Variants in LPAR3 observed in about 807,000 individuals in gnomAD.
The protein encoded by LPAR3 is LPA receptor 3.
Under a neutral mutation model 17.8 loss-of-function variants are expected in LPAR3, and 7 were observed. The ratio of observed to expected loss-of-function variants is 0.39; its 90% CI spans 0.22 to 0.74. LPAR3 has a LOEUF of 0.74. Among genes scored for constraint, LPAR3 ranks in the 30% least tolerant of loss-of-function variants. The pLI, the probability that LPAR3 is intolerant of heterozygous loss-of-function variation, is 0.40. For synonymous variants in LPAR3, 179 were observed against 179.9 expected, an observed-to-expected ratio of 0.99 and a Z score of 0.04; for missense variants, 391 against 453.4, an observed-to-expected ratio of 0.86 and a Z score of 1.25.
intron 2 of LPAR3, among the ~76,000 whole-genome samples, chr1:84,832,640 C>T (rs1659307556): frequency 6.6e-6 from 1 of 152,170 alleles, no homozygotes; most frequent in Non-Finnish European, 1.5e-5. Flanking sequence ...CATATAAATA[C>T]ACCAAACACC....
chr1:84,836,005 C>CTT (rs1324631362), intron 2 of LPAR3, among the ~76,000 whole-genome samples: 1 of 100,128 alleles, frequency 1.0e-5, no homozygotes, highest in Non-Finnish European at 2.0e-5. Flanking sequence ...CCAACCCCGG[C>CTT]CTTTTTTTTT....
intron 1 of LPAR3, among the ~76,000 whole-genome samples, chr1:84,868,266 C>T (rs149009925): frequency 0.013 from 1,937 of 152,204 alleles, 36 homozygotes; most frequent in African/African-American, 0.044. Flanking sequence ...CATGCCAGCA[C>T]GCCCGGCTAA....
intron 2 of LPAR3, among the ~76,000 whole-genome samples, chr1:84,835,831 T>C (rs1659392545): frequency 6.6e-6 from 1 of 152,100 alleles, no homozygotes; most frequent in Admixed American, 6.6e-5. Flanking sequence ...CCCACACTTC[T>C]TGGTCAACAG....
At chr1:84,887,015 C>A (rs1024465567) in intron 1 of LPAR3, among the ~76,000 whole-genome samples, 1 of 152,096 alleles carries the variant, frequency 6.6e-6, no homozygotes, top group Non-Finnish European at 1.5e-5. Context: ...AAATAAAGTT[C>A]TTCCTTATAG....
At chr1:84,851,775 T>G (rs1032711109) in intron 2 of LPAR3, among the ~76,000 whole-genome samples, 3 of 151,656 alleles carry the variant, frequency 2.0e-5, no homozygotes, top group African/African-American at 7.3e-5. Flanking sequence ...GTGAGGGGAG[T>G]GCATAGAAAA....
Position 84,813,904 on chromosome 1 carries a change from C to T in LPAR3, c.1004G>A (p.Ser335Asn). ...STVLSRSDTG[S>N]QYIEDSISQG... ...GCTAATACTATCCTCTATGTACTGG[C>T]TGCCTGTGTCACTCCTGCTGAGGAC... Residue 335 changes from serine (S) to asparagine (N), a missense_variant, in exon 3 of 3, where the codon AGC becomes AAC. Transcript: ENST00000370611. 2 of 1,614,182 alleles carry T rather than the reference C, an allele frequency of 1.2e-6. No homozygotes were observed. The highest frequency in any genetic ancestry group is 1.7e-6 in the Non-Finnish European group (2 of 1,180,022).
chr1:84,868,308 C>T lies in LPAR3; in HGVS notation c.-18-2170G>A, dbSNP rs374749946. Among the ~76,000 whole-genome samples the T allele has an allele frequency of 1.1e-4, 16 of 152,252 alleles. No individual in the cohort carries two copies. The East Asian group carries it at 1.2e-3, about 11-fold the overall frequency. On this transcript the variant is annotated intron_variant, in intron 1 of 2. Transcript: ENST00000370611. The stretch of plus-strand genomic sequence containing the variant: ...TGTTTTTAGTAGAGACGGGGTTTCA[C>T]CATGTTGGCCAGGATGGTCTCGAAC...
chr1:84,812,868 A>G lies in LPAR3; in HGVS notation c.*978T>C, dbSNP rs1658840582. 6.6e-6 allele frequency: 1 copy of G among 151,842 alleles called. No homozygotes were observed. Among genetic ancestry groups the G allele is most frequent in the Non-Finnish European group, 1.5e-5 (1 of 67,998 alleles). The allele number at this position is 151,842 out of a possible 1,614,324, so 9.4% of individuals were successfully genotyped here. A position where few individuals can be genotyped will look rare whatever the true frequency, so the allele number is the denominator to read the frequency against. On this transcript the variant is annotated 3_prime_UTR_variant, in exon 3 of 3. Coordinates refer to ENST00000370611, the MANE Select transcript of LPAR3 (RefSeq NM_012152.3). ...CTTACTAGGCAAGATTATCAGCTGG[A>G]TGTTCCATAGGCACTTCAAACTTCA...
At chr1:84,875,680 T>C (rs1557607615) in intron 1 of LPAR3, among the ~76,000 whole-genome samples, 1 of 152,210 alleles carries the variant, frequency 6.6e-6, no homozygotes, top group Non-Finnish European at 1.5e-5. Context: ...CATCAGAAAA[T>C]GAACTAAGGC....
chr1:84,842,596 T>A (rs1659523709), intron 2 of LPAR3, among the ~76,000 whole-genome samples: 1 of 152,218 alleles, frequency 6.6e-6, no homozygotes, highest in South Asian at 2.1e-4. Context: ...AATTATAAAC[T>A]TCATCAGTCT....
intron 2 of LPAR3, among the ~76,000 whole-genome samples, chr1:84,841,707 C>G (rs1471709747): frequency 1.3e-5 from 2 of 152,196 alleles, no homozygotes; most frequent in Non-Finnish European, 2.9e-5. Context: ...AACACATATC[C>G]TCCATTCATA....
At chr1:84,853,149 G>T (rs546979098) in intron 2 of LPAR3, among the ~76,000 whole-genome samples, 2 of 152,018 alleles carry the variant, frequency 1.3e-5, no homozygotes, top group East Asian at 3.9e-4. Flanking sequence ...GGTAGTGAAG[G>T]GAGGGAGAGA....
chr1:84,867,390 G>A (rs1660071890), intron 1 of LPAR3, among the ~76,000 whole-genome samples: 2 of 152,252 alleles, frequency 1.3e-5, no homozygotes, highest in East Asian at 3.9e-4. Flanking sequence ...GTCGGCAGAG[G>A]GACTGAGCAG....
intron 2 of LPAR3, among the ~76,000 whole-genome samples, chr1:84,846,371 C>T (rs931360041): frequency 2.6e-5 from 4 of 152,074 alleles, no homozygotes; most frequent in Non-Finnish European, 5.9e-5. Context: ...TTTTTATTTT[C>T]GTAATGCTAT....
At chr1:84,831,227 G>GT (rs201203809) in intron 2 of LPAR3, among the ~76,000 whole-genome samples, 1 of 150,244 alleles carries the variant, frequency 6.7e-6, no homozygotes, top group Non-Finnish European at 1.5e-5. Context: ...TCTGTCTTTG[G>GT]TTTTTTGGTT....
chr1:84,843,779 A>T lies in LPAR3; in HGVS notation c.736+21606T>A, dbSNP rs150700866. Among the ~76,000 whole-genome samples the T allele has an allele frequency of 2.7e-3, 404 of 152,376 alleles. 3 individuals are homozygous for T. The highest frequency in any genetic ancestry group is 0.01 in the Middle Eastern group (3 of 294). The stretch of plus-strand genomic sequence containing the variant: ...TCTCCGGTAAATCAAAAGTCAGTGC[A>T]GCTTTGGGGCTATTCCTGGAACCCA... On this transcript the variant is annotated intron_variant, in intron 2 of 2. Coordinates refer to ENST00000370611, the MANE Select transcript of LPAR3 (RefSeq NM_012152.3).
At chr1:84,841,367 C>T (rs889594498) in intron 2 of LPAR3, among the ~76,000 whole-genome samples, 21 of 152,154 alleles carry the variant, frequency 1.4e-4, no homozygotes, top group African/African-American at 4.3e-4. Flanking sequence ...AAACCCATTA[C>T]AACTAAAAAT....
chr1:84,843,814 C>T (rs939732185), intron 2 of LPAR3, among the ~76,000 whole-genome samples: 24 of 152,216 alleles, frequency 1.6e-4, no homozygotes, highest in Admixed American at 1.4e-3. Flanking sequence ...ATCAAGCTGG[C>T]TCCTTTCTCA....
intron 2 of LPAR3, among the ~76,000 whole-genome samples, chr1:84,846,251 C>T (rs1450742380): frequency 6.6e-6 from 1 of 152,126 alleles, no homozygotes; most frequent in Admixed American, 6.6e-5. Context: ...TAGAGAACTA[C>T]GAATCACATT....
Sources: gnomAD v4.1 joint callset for allele counts (sites outside exome capture counted in the v4.1 genomes callset) on GRCh38, gnomAD v4.1.1 for gene constraint, MANE v1.5 for transcripts, NCBI Gene and HGNC (gene_info 2026-07-23, HGNC 2026-07-21) for gene names.